The following NSG2 variants were observed in gnomAD, a reference collection of about 807,000 sequenced individuals.
NSG2 encodes the protein neuronal vesicle trafficking-associated protein 2.
In NSG2, 4 loss-of-function variants were observed where a neutral mutation model predicts 16.9. The ratio of observed to expected loss-of-function variants is 0.24; its 90% CI spans 0.12 to 0.54. The LOEUF is 0.54. Ranked by LOEUF, NSG2 falls within the 20% of genes least tolerant of loss-of-function variation. The pLI, the probability that NSG2 is intolerant of heterozygous loss-of-function variation, is 0.95. For synonymous variants in NSG2, 98 were observed against 88.7 expected (o/e 1.11, Z -0.59); for missense variants, 179 against 221.1 (o/e 0.81, Z 1.21).
At chr5:174,095,301 C>T (rs994692939) in intron 3 of NSG2, among the ~76,000 whole-genome samples, 7 of 152,144 alleles carry the variant, frequency 4.6e-5, no homozygotes, top group Non-Finnish European at 1.0e-4. Flanking sequence ...ATAAACTGTG[C>T]GGCTGAATGC....
At chr5:174,084,850 G>C (rs900173581) in intron 3 of NSG2, among the ~76,000 whole-genome samples, 2 of 152,228 alleles carry the variant, frequency 1.3e-5, no homozygotes, top group Admixed American at 6.5e-5. Flanking sequence ...TTGCTCTAAT[G>C]CTCTGTGGCG....
chr5:174,094,549 G>A (rs1052879462), intron 3 of NSG2, among the ~76,000 whole-genome samples: 3 of 152,162 alleles, frequency 2.0e-5, no homozygotes, highest in Non-Finnish European at 2.9e-5. Flanking sequence ...CTCCTGTCAC[G>A]ATGTGGCCAT....
intron 2 of NSG2, among the ~76,000 whole-genome samples, chr5:174,064,002 G>A (rs1760099463): frequency 6.6e-6 from 1 of 151,998 alleles, no homozygotes; most frequent in Non-Finnish European, 1.5e-5. Flanking sequence ...ACATATATAA[G>A]TCTATATAAA....
chr5:174,103,353 T>G (rs1336416829), intron 3 of NSG2, among the ~76,000 whole-genome samples: 1 of 152,166 alleles, frequency 6.6e-6, no homozygotes, highest in East Asian at 1.9e-4. Context: ...TCAGGATATT[T>G]GGCCTGAGTG....
rs10476095 is a variant in NSG2 at position 174,107,023 on chromosome 5, G to A, written c.325-291G>A. Among the ~76,000 whole-genome samples the A allele has an allele frequency of 0.32, 48,598 of 152,134 alleles. 10,976 individuals are homozygous for A. Among genetic ancestry groups the A allele is most frequent in the African/African-American group, 0.64 (26,619 of 41,474 alleles). ...CAGCCAGATAGAGGGAGTCTGTGGG[G>A]GTCTCTACAGCATCCACTACAGCCG... On this transcript the variant is annotated intron_variant, in intron 4 of 4. Coordinates refer to ENST00000303177, the MANE Select transcript of NSG2 (RefSeq NM_015980.5). This position sits in a 1 kb window ranked among gnomAD's most constrained non-coding sequence, Gnocchi z 4.5.
At chr5:174,054,381 T>C (rs1759935902) in intron 2 of NSG2, among the ~76,000 whole-genome samples, 2 of 152,238 alleles carry the variant, frequency 1.3e-5, no homozygotes, top group African/African-American at 4.8e-5. Context: ...TCGAATTTTA[T>C]TCATCTGTTT....
chr5:174,049,646 C>T (rs1363607107), intron 2 of NSG2, among the ~76,000 whole-genome samples: 1 of 152,114 alleles, frequency 6.6e-6, no homozygotes, highest in Non-Finnish European at 1.5e-5. Context: ...TGTTCCAGAA[C>T]CTTCTACCTC....
chr5:174,087,442 A>G (rs1411405516), intron 3 of NSG2, among the ~76,000 whole-genome samples: 1 of 152,212 alleles, frequency 6.6e-6, no homozygotes, highest in Non-Finnish European at 1.5e-5. Context: ...TAAAACAGGA[A>G]AAATGACAGG....
chr5:174,054,853 C>T (rs1054630868), intron 2 of NSG2, among the ~76,000 whole-genome samples: 7 of 152,224 alleles, frequency 4.6e-5, no homozygotes, highest in Non-Finnish European at 7.3e-5. Flanking sequence ...ACTCCACCTA[C>T]TTGCACTGTG....
intron 2 of NSG2, among the ~76,000 whole-genome samples, chr5:174,057,566 T>C (rs1048839303): frequency 1.1e-4 from 17 of 152,252 alleles, no homozygotes; most frequent in African/African-American, 4.1e-4. Flanking sequence ...TCTCTGCCGG[T>C]CCCCATGCAG....
chr5:174,064,466 A>G (rs1760108603), intron 3 of NSG2, 151 bp downstream of exon 3: 2 of 494,042 alleles, frequency 4.0e-6, no homozygotes, highest in African/African-American at 3.8e-5. Flanking sequence ...CAGTCTGGCC[A>G]CTGAGTTTAA....
At chr5:174,057,142 C>A (rs2113425467) in intron 2 of NSG2, among the ~76,000 whole-genome samples, 1 of 152,290 alleles carries the variant, frequency 6.6e-6, no homozygotes, top group East Asian at 1.9e-4. Context: ...ATCCATAAAA[C>A]CCCACTTTTA....
chr5:174,082,225 G>C (rs1760490538), intron 3 of NSG2: 1 of 152,180 alleles, frequency 6.6e-6, no homozygotes, highest in African/African-American at 2.4e-5. Context: ...TTACACAGTA[G>C]CTTCCATGTC....
intron 2 of NSG2, among the ~76,000 whole-genome samples, chr5:174,063,002 T>A (rs1293937660): frequency 6.6e-6 from 1 of 152,210 alleles, no homozygotes; most frequent in Admixed American, 6.5e-5. Context: ...ACAAGTGACT[T>A]AGCATCTCTG....
intron 3 of NSG2, chr5:174,066,375 A>G: frequency 2.4e-6 from 1 of 420,400 alleles, no homozygotes; most frequent in Non-Finnish European, 4.9e-6. Flanking sequence ...TCCTGGCAAG[A>G]GATCACAAGA....
chr5:174,077,049 CA>C (rs1760356387), intron 3 of NSG2, among the ~76,000 whole-genome samples: 1 of 152,008 alleles, frequency 6.6e-6, no homozygotes, highest in Admixed American at 6.6e-5. Flanking sequence ...AAGGTAAAGA[CA>C]AAAAGACTTC....
chr5:174,048,928 G>A (rs932575791), intron 2 of NSG2, among the ~76,000 whole-genome samples: 2 of 152,226 alleles, frequency 1.3e-5, no homozygotes, highest in Admixed American at 1.3e-4. Context: ...TCATCACACA[G>A]TCTTTCACCA....
At chr5:174,078,868 G>T (rs1760394782) in intron 3 of NSG2, among the ~76,000 whole-genome samples, 1 of 152,118 alleles carries the variant, frequency 6.6e-6, no homozygotes, top group African/African-American at 2.4e-5. Context: ...AGAACTGTGA[G>T]AAATAAATGT....
intron 3 of NSG2, among the ~76,000 whole-genome samples, chr5:174,088,540 C>T (rs972869942): frequency 7.9e-5 from 12 of 152,074 alleles, no homozygotes; most frequent in Admixed American, 2.0e-4. Flanking sequence ...TGAATTCATT[C>T]GTATTGAATA....
Sources: allele counts gnomAD v4.1 joint callset (sites outside exome capture counted in the v4.1 genomes callset), GRCh38; gene constraint gnomAD v4.1.1; non-coding constraint Gnocchi (gnomAD v3.1); transcripts MANE v1.5; gene names NCBI Gene and HGNC (gene_info 2026-07-23, HGNC 2026-07-21).